The following ANKRD55 variants were observed in gnomAD, a reference collection of about 807,000 sequenced individuals.
ANKRD55 encodes the protein ankyrin repeat domain 55, also known as ankyrin repeat domain-containing protein 55.
In ANKRD55, 41 loss-of-function variants were observed where a neutral mutation model predicts 60.6. The observed-to-expected ratio is 0.68, with a 90% CI of 0.53 to 0.88. The LOEUF (loss-of-function observed/expected upper bound fraction) is 0.88, where lower values mean the gene tolerates loss of function less well. ANKRD55 is among the 40% of genes least tolerant of loss of function. The pLI is 0.00. For missense variants in ANKRD55, 732 were observed against 767.6 expected (o/e 0.95, Z 0.55); for synonymous variants, 264 against 290.3 (o/e 0.91, Z 0.92).
intron 6 of ANKRD55, among the ~76,000 whole-genome samples, chr5:56,145,889 C>T (rs1757883812): frequency 1.3e-5 from 2 of 152,166 alleles, no homozygotes; most frequent in African/African-American, 4.8e-5. Context: ...AATGGAACTT[C>T]TTATTCTTAT....
At chr5:56,227,262 C>G (rs936156481) in intron 2 of ANKRD55, among the ~76,000 whole-genome samples, 1 of 149,852 alleles carries the variant, frequency 6.7e-6, no homozygotes, top group Non-Finnish European at 1.5e-5. Flanking sequence ...ACCACATGTT[C>G]TCACTCATAG....
chr5:56,126,424 G>A (rs1757257685), intron 8 of ANKRD55, among the ~76,000 whole-genome samples: 1 of 151,948 alleles, frequency 6.6e-6, no homozygotes, highest in Non-Finnish European at 1.5e-5. Context: ...TACCTTTTTG[G>A]ACCTAGCTTC....
intron 8 of ANKRD55, among the ~76,000 whole-genome samples, chr5:56,120,685 G>A (rs943644185): frequency 4.6e-5 from 7 of 151,996 alleles, no homozygotes; most frequent in African/African-American, 1.7e-4. Context: ...GGATCACGAG[G>A]TCAGGAGATC....
chr5:56,206,718 G>A (rs1378956727), intron 2 of ANKRD55, among the ~76,000 whole-genome samples: 2 of 152,170 alleles, frequency 1.3e-5, no homozygotes, highest in Non-Finnish European at 2.9e-5. Context: ...AAGCATGGCT[G>A]AAAATGGGTG....
At chr5:56,165,251 A>G (rs367923464) in intron 5 of ANKRD55, among the ~76,000 whole-genome samples, 90 of 152,308 alleles carry the variant, frequency 5.9e-4, no homozygotes, top group Admixed American at 1.5e-3. Flanking sequence ...ATCCACACAA[A>G]CAACACACCC....
intron 8 of ANKRD55, among the ~76,000 whole-genome samples, chr5:56,125,265 C>T (rs948465684): frequency 1.4e-4 from 21 of 151,938 alleles, no homozygotes; most frequent in African/African-American, 4.8e-4. Context: ...TAGGAAAACA[C>T]TTACTTTTTT....
chr5:56,178,317 C>T (rs757636281), intron 3 of ANKRD55, among the ~76,000 whole-genome samples: 2 of 151,644 alleles, frequency 1.3e-5, no homozygotes, highest in Admixed American at 6.6e-5. Context: ...AATGTCTCAA[C>T]GTACGGGGAT....
At chr5:56,178,911 A>T (rs906201886) in intron 3 of ANKRD55, among the ~76,000 whole-genome samples, 7 of 152,108 alleles carry the variant, frequency 4.6e-5, no homozygotes, top group Non-Finnish European at 8.8e-5. Context: ...AGGTGTTGTC[A>T]AGGATTTGGG....
intron 6 of ANKRD55, 137 bp downstream of exon 6, chr5:56,159,696 C>T: frequency 1.2e-6 from 1 of 824,376 alleles, no homozygotes; most frequent in East Asian, 2.5e-5. Context: ...AAACAGGTCT[C>T]CCTTTCAGGG....
rs35325096 is a variant in ANKRD55 at position 56,176,942 on chromosome 5, C to T, written c.182-660G>A. The stretch of plus-strand genomic sequence containing the variant: ...ATTCCTTCAGGTGAAGAACTCAAAC[C>T]TCAGATTCACTCCTTGCCCAGTCGA... On this transcript the variant is annotated intron_variant, in intron 3 of 11. Coordinates refer to ENST00000341048, the MANE Select transcript of ANKRD55 (RefSeq NM_024669.3). Among the ~76,000 whole-genome samples the T allele has an allele frequency of 5.5e-3, 839 of 152,286 alleles. 5 individuals are homozygous for T. The highest frequency in any genetic ancestry group is 9.7e-3 in the Non-Finnish European group (657 of 68,020).
intron 2 of ANKRD55, among the ~76,000 whole-genome samples, chr5:56,199,734 C>T (rs1248677534): frequency 1.3e-5 from 2 of 151,304 alleles, no homozygotes; most frequent in African/African-American, 4.9e-5. Flanking sequence ...ACTAAAAGTA[C>T]AAAAAAATTA....
Position 56,181,969 on chromosome 5 carries a change from CT to C in ANKRD55, c.181+1542del, listed in dbSNP as rs575045340. Among the ~76,000 whole-genome samples, 393 of 152,278 alleles carry C rather than the reference CT, an allele frequency of 2.6e-3. 2 individuals carry two copies. Among genetic ancestry groups the C allele is most frequent in the Middle Eastern group, 0.014 (4 of 294 alleles). ...TTTAAATCTACATTCATGAAGACCA[CT>C]GGTCTATAGGCTTATTTTTTTTTTA... On this transcript the variant is annotated intron_variant, in intron 3 of 11. Transcript: ENST00000341048.
intron 2 of ANKRD55, among the ~76,000 whole-genome samples, chr5:56,199,232 TC>T (rs1450378201): frequency 6.6e-6 from 1 of 152,194 alleles, no homozygotes; most frequent in Non-Finnish European, 1.5e-5. Context: ...TGAATTGTGC[TC>T]TATTTCAATT....
intron 2 of ANKRD55, among the ~76,000 whole-genome samples, chr5:56,208,964 C>CTTTTTTTTTTTTTTTTTTTTTTTTT (rs529905448): frequency 6.9e-6 from 1 of 145,982 alleles, no homozygotes; most frequent in Non-Finnish European, 1.5e-5. Context: ...CTCTTTTTCA[C>CTTTTTTTTTTTTTTTTTTTTTTTTT]TTTTTTTTTT....
intron 8 of ANKRD55, among the ~76,000 whole-genome samples, chr5:56,124,503 TTTG>T (rs560017916): frequency 3.1e-4 from 47 of 152,276 alleles, no homozygotes; most frequent in African/African-American, 1.1e-3. Flanking sequence ...ACTATTTATT[TTTG>T]TTTTTTTTAA....
At chr5:56,159,614 A>G (rs1303505806) in intron 6 of ANKRD55, among the ~76,000 whole-genome samples, 1 of 152,254 alleles carries the variant, frequency 6.6e-6, no homozygotes, top group Non-Finnish European at 1.5e-5. Flanking sequence ...ACTTAATGCA[A>G]TAAAGTCCTT....
chr5:56,196,423 T>C (rs912542781), intron 2 of ANKRD55, among the ~76,000 whole-genome samples: 3 of 152,224 alleles, frequency 2.0e-5, no homozygotes, highest in African/African-American at 7.2e-5. Context: ...ATCGAGTGCC[T>C]ACTGTGTGCT....
intron 2 of ANKRD55, among the ~76,000 whole-genome samples, chr5:56,205,876 A>G (rs1759492690): frequency 6.6e-6 from 1 of 151,826 alleles, no homozygotes; most frequent in African/African-American, 2.4e-5. Context: ...GACACCCTGT[A>G]GTGGCTGCAT....
At chr5:56,166,114 C>CTTTCTTCTT (rs1758454745) in intron 5 of ANKRD55, among the ~76,000 whole-genome samples, 1 of 55,562 alleles carries the variant, frequency 1.8e-5, no homozygotes, top group Non-Finnish European at 4.0e-5. Flanking sequence ...TTCTTTCTTT[C>CTTTCTTCTT]TTTCTTTCTT....
Sources: gnomAD v4.1 joint callset for allele counts (sites outside exome capture counted in the v4.1 genomes callset) on GRCh38, gnomAD v4.1.1 for gene constraint, MANE v1.5 for transcripts, NCBI Gene and HGNC (gene_info 2026-07-23, HGNC 2026-07-21) for gene names.